EEPD1: variants seen among roughly 807,000 people sequenced by gnomAD.
EEPD1 encodes the protein endonuclease/exonuclease/phosphatase family domain-containing protein 1.
EEPD1 carries 17 observed loss-of-function variants against 46.3 expected under a neutral mutation model. The observed-to-expected ratio is 0.37, with a 90% CI of 0.25 to 0.55. EEPD1 has a LOEUF of 0.55. Ranked by LOEUF, EEPD1 falls within the 20% of genes least tolerant of loss-of-function variation. The pLI, the probability that EEPD1 is intolerant of heterozygous loss-of-function variation, is 0.83. For synonymous variants in EEPD1, 313 were observed against 315.6 expected (o/e 0.99, Z 0.09); for missense variants, 673 against 745.6 (o/e 0.90, Z 1.13).
chr7:36,202,758 C>T (rs1785735522), intron 2 of EEPD1, among the ~76,000 whole-genome samples: 1 of 152,134 alleles, frequency 6.6e-6, no homozygotes. Context: ...CGCCACTAGC[C>T]CCATTTTATG....
At chr7:36,242,770 A>C (rs1489887642) in intron 3 of EEPD1, among the ~76,000 whole-genome samples, 2 of 59,250 alleles carry the variant, frequency 3.4e-5, no homozygotes, top group Admixed American at 1.8e-4. Context: ...TAAAAATACA[A>C]AAAAAAAAAA....
chr7:36,161,244 G>T (rs780184465), intron 2 of EEPD1, among the ~76,000 whole-genome samples: 29 of 152,216 alleles, frequency 1.9e-4, no homozygotes, highest in Admixed American at 1.3e-3. Context: ...CATGGGCGCA[G>T]GAAGACCCCA....
At chr7:36,215,876 A>T (rs569126892) in intron 2 of EEPD1, among the ~76,000 whole-genome samples, 6 of 152,358 alleles carry the variant, frequency 3.9e-5, no homozygotes, top group African/African-American at 1.4e-4. Flanking sequence ...AAATTCTTTT[A>T]CATTTTGTAC....
intron 3 of EEPD1, among the ~76,000 whole-genome samples, chr7:36,278,199 C>T (rs989031710): frequency 1.3e-5 from 2 of 152,170 alleles, no homozygotes; most frequent in Non-Finnish European, 2.9e-5. Context: ...CAGCCACGAG[C>T]ATGGGAATCA....
intron 2 of EEPD1, among the ~76,000 whole-genome samples, chr7:36,198,342 G>GAAAAAAAAAAAAAAAAAAAAAAAA (rs1361024411): frequency 2.4e-4 from 8 of 33,118 alleles, no homozygotes; most frequent in East Asian, 1.4e-3. Flanking sequence ...AAAAAGAAAA[G>GAAAAAAAAAAAAAAAAAAAAAAAA]AAAAAAAAAA....
chr7:36,295,348 A>T (rs1235901709), intron 6 of EEPD1, among the ~76,000 whole-genome samples: 1 of 152,194 alleles, frequency 6.6e-6, no homozygotes, highest in Non-Finnish European at 1.5e-5. Context: ...ATATTTCAGG[A>T]ACAAAGTCAA....
At chr7:36,197,661 A>G (rs1054455935) in intron 2 of EEPD1, among the ~76,000 whole-genome samples, 1 of 152,180 alleles carries the variant, frequency 6.6e-6, no homozygotes, top group Admixed American at 6.5e-5. Flanking sequence ...ACTCAGGGTT[A>G]AATGGATTAA....
intron 3 of EEPD1, among the ~76,000 whole-genome samples, chr7:36,251,640 C>A (rs1463932451): frequency 6.6e-6 from 1 of 152,254 alleles, no homozygotes; most frequent in Admixed American, 6.5e-5. Flanking sequence ...AAGGTAAATT[C>A]TCATCCTACA....
At chr7:36,249,658 C>T (rs140112868) in intron 3 of EEPD1, among the ~76,000 whole-genome samples, 183 of 152,254 alleles carry the variant, frequency 1.2e-3, no homozygotes, top group African/African-American at 3.2e-3. Context: ...GTACCTACTG[C>T]GGTTACAACT....
Position 36,154,363 on chromosome 7 carries a change from G to C in EEPD1, c.39G>C (p.Arg13Ser). 1 of 1,613,100 alleles carries C rather than the reference G, an allele frequency of 6.2e-7. No homozygotes were observed. Among genetic ancestry groups the C allele is most frequent in the Non-Finnish European group, 8.5e-7 (1 of 1,180,016 alleles). The change falls in exon 2 of 8, where the codon AGG becomes AGC. Residue 13 changes from arginine (R) to serine (S), a missense_variant. Coordinates refer to ENST00000242108, the MANE Select transcript of EEPD1 (RefSeq NM_030636.3). The surrounding 1 kb of genome is among the most constrained non-coding windows in gnomAD (Gnocchi z 4.2). The stretch of plus-strand genomic sequence containing the variant: ...TGGGCTGCCACCGCTCCATCCCCAG[G>C]GACCCCTCGGACCTGTCCCATAGCC... ...STLGCHRSIP[R>S]DPSDLSHSRK...
chr7:36,229,367 T>G (rs548800959), intron 2 of EEPD1: 1 of 152,106 alleles, frequency 6.6e-6, no homozygotes, highest in East Asian at 1.9e-4. Context: ...CGTGACTATA[T>G]CATTTGGGGA....
intron 3 of EEPD1, among the ~76,000 whole-genome samples, chr7:36,240,624 G>C (rs924324534): frequency 1.3e-5 from 2 of 152,228 alleles, no homozygotes; most frequent in African/African-American, 4.8e-5. Context: ...GGGCCAAATG[G>C]CAACATTGGA....
At chr7:36,204,113 C>T (rs911196327) in intron 2 of EEPD1, among the ~76,000 whole-genome samples, 1 of 151,340 alleles carries the variant, frequency 6.6e-6, no homozygotes, top group Non-Finnish European at 1.5e-5. Context: ...CAGTTCACTG[C>T]AGCCTTGACC....
chr7:36,154,781 C>T lies in EEPD1; in HGVS notation c.457C>T (p.Leu153Phe), dbSNP rs267601501. 4 of 1,614,038 alleles carry T rather than the reference C, an allele frequency of 2.5e-6. No homozygotes were observed. The highest frequency in any genetic ancestry group is 1.3e-5 in the African/African-American group (1 of 74,928). ...TPAQLMSVRG[L>F]SEKMALSIVD... ...GGCCCAGCTCATGAGCGTGCGAGGCCTCTCGGAGAAAATGGCCCTCAGCAT... is the reference window on the plus strand; with the variant it reads ...GGCCCAGCTCATGAGCGTGCGAGGCTTCTCGGAGAAAATGGCCCTCAGCAT... Residue 153 changes from leucine to phenylalanine, a missense_variant, in exon 2 of 8, where the codon CTC becomes TTC. Physicochemically the swap from Leu to Phe is conservative, Grantham distance 22 (BLOSUM62 0). Transcript: ENST00000242108. This position sits in a 1 kb window ranked among gnomAD's most constrained non-coding sequence, Gnocchi z 4.2.
chr7:36,185,739 T>A (rs1401737971), intron 2 of EEPD1, among the ~76,000 whole-genome samples: 1 of 152,192 alleles, frequency 6.6e-6, no homozygotes, highest in East Asian at 1.9e-4. Context: ...CTCTACATCT[T>A]CTCATGCTTC....
chr7:36,228,851 T>C (rs1293396386), intron 2 of EEPD1: 1 of 152,234 alleles, frequency 6.6e-6, no homozygotes, highest in East Asian at 1.9e-4. Context: ...CCTAGTTTTA[T>C]TACTAGGGCT....
intron 6 of EEPD1, among the ~76,000 whole-genome samples, chr7:36,296,060 A>T (rs1273203352): frequency 6.8e-6 from 1 of 147,704 alleles, no homozygotes; most frequent in Admixed American, 6.7e-5. Context: ...AAAAAATGAG[A>T]TGCTCACTTC....
intron 3 of EEPD1, among the ~76,000 whole-genome samples, chr7:36,251,332 T>G (rs1301430329): frequency 6.6e-6 from 1 of 152,080 alleles, no homozygotes; most frequent in South Asian, 2.1e-4. Flanking sequence ...CTTTCTGAGA[T>G]GGAGTCTTGC....
At chr7:36,192,072 G>GGCACACAGA (rs1741616360) in intron 2 of EEPD1, among the ~76,000 whole-genome samples, 1 of 152,220 alleles carries the variant, frequency 6.6e-6, no homozygotes. Flanking sequence ...GCTCTGCACA[G>GGCACACAGA]GCACACAGAG....
Sources: gnomAD v4.1 joint callset for allele counts (sites outside exome capture counted in the v4.1 genomes callset) on GRCh38, gnomAD v4.1.1 for gene constraint, Gnocchi (gnomAD v3.1) non-coding constraint, MANE v1.5 for transcripts, NCBI Gene and HGNC (gene_info 2026-07-23, HGNC 2026-07-21) for gene names.